Variants in RPRD1B observed in about 807,000 individuals in gnomAD.
RPRD1B encodes regulation of nuclear pre-mRNA domain-containing protein 1B.
A neutral mutation model predicts 41.5 loss-of-function variants in RPRD1B; 11 were observed. That is an observed-to-expected ratio of 0.27 (90% confidence interval 0.17 to 0.44). RPRD1B has a LOEUF of 0.44. Ranked by LOEUF, RPRD1B falls within the 20% of genes least tolerant of loss-of-function variation. The probability of loss-of-function intolerance (pLI) is 1.00; values close to 1 mark genes in which losing one functional copy is unlikely to be tolerated. For missense variants in RPRD1B, 248 were observed against 389.9 expected (o/e 0.64, Z 3.06); for synonymous variants, 158 against 155.6 (o/e 1.02, Z -0.12).
chr20:38,084,510 A>G (rs1600443280), intron 6 of RPRD1B, among the ~76,000 whole-genome samples: 1 of 152,178 alleles, frequency 6.6e-6, no homozygotes, highest in East Asian at 1.9e-4. Context: ...TGAAAATGAA[A>G]TTCCTGTGGA....
intron 6 of RPRD1B, among the ~76,000 whole-genome samples, chr20:38,077,730 T>G (rs2074477494): frequency 6.6e-6 from 1 of 152,198 alleles, no homozygotes; most frequent in South Asian, 2.1e-4. Flanking sequence ...ATCCTTGCAG[T>G]AGCCTCATGA....
At chr20:38,048,888 A>AAATGTAG (rs1473642613) in intron 3 of RPRD1B, among the ~76,000 whole-genome samples, 4 of 152,182 alleles carry the variant, frequency 2.6e-5, no homozygotes, top group Non-Finnish European at 5.9e-5. Context: ...TGATTTAATT[A>AAATGTAG]AATGTAGATG....
chr20:38,057,484 T>C (rs376221068), intron 3 of RPRD1B, 48 bp from the exon 4 acceptor site: 35 of 1,348,562 alleles, frequency 2.6e-5, no homozygotes, highest in Non-Finnish European at 3.4e-5. Context: ...ATGTGACTTA[T>C]CACTACAGGA....
In RPRD1B at chr20:38,090,061, G is replaced by A; in HGVS notation, c.*186G>A. The A allele has an allele frequency of 7.5e-7, 1 of 1,332,724 alleles. No individual in the cohort carries two copies. The highest frequency in any genetic ancestry group is 2.7e-5 in the East Asian group (1 of 37,708). 82.6% of individuals were successfully genotyped at this position (1,332,724 alleles called of 1,614,324 possible). On this transcript the variant is annotated 3_prime_UTR_variant, in exon 7 of 7. Transcript: ENST00000373433. Reference sequence around the variant, plus strand: ...ATCTTGAGCACAGTTCAGAACAGTGGCGACTGGAATCTGGTTTATATTCAT... The same window carrying A: ...ATCTTGAGCACAGTTCAGAACAGTGACGACTGGAATCTGGTTTATATTCAT...
At chr20:38,047,219 A>T (rs1301164590) in intron 2 of RPRD1B, among the ~76,000 whole-genome samples, 1 of 152,224 alleles carries the variant, frequency 6.6e-6, no homozygotes, top group East Asian at 1.9e-4. Flanking sequence ...TTCTGACTTT[A>T]AAAAGTTTAA....
chr20:38,090,016 A>T lies in RPRD1B; in HGVS notation c.*141A>T. 1 of 1,443,758 alleles carries T rather than the reference A, an allele frequency of 6.9e-7. No homozygotes were observed. The highest frequency in any genetic ancestry group is 2.4e-5 in the East Asian group (1 of 40,850). The allele number at this position is 1,443,758 out of a possible 1,614,324, so 89.4% of individuals were successfully genotyped here. ...CCTCAAGAAAGAACCTCAGACTCTGATTCTCCTCTTCAGCCTCTCATCTTG... is the reference window on the plus strand; with the variant it reads ...CCTCAAGAAAGAACCTCAGACTCTGTTTCTCCTCTTCAGCCTCTCATCTTG... On this transcript the variant is annotated 3_prime_UTR_variant, in exon 7 of 7. Coordinates refer to ENST00000373433, the MANE Select transcript of RPRD1B (RefSeq NM_021215.4).
intron 6 of RPRD1B, among the ~76,000 whole-genome samples, chr20:38,073,530 C>T (rs2074431350): frequency 6.6e-6 from 1 of 152,164 alleles, no homozygotes; most frequent in Non-Finnish European, 1.5e-5. Context: ...AATTCTTTGG[C>T]TACAGTTGAA....
At chr20:38,086,783 C>A (rs891586894) in intron 6 of RPRD1B, among the ~76,000 whole-genome samples, 2 of 152,178 alleles carry the variant, frequency 1.3e-5, no homozygotes, top group Non-Finnish European at 2.9e-5. Context: ...GGGCAGGATC[C>A]GTCCACTTCC....
intron 4 of RPRD1B, among the ~76,000 whole-genome samples, chr20:38,058,322 G>A (rs1228989619): frequency 6.6e-6 from 1 of 152,182 alleles, no homozygotes; most frequent in Admixed American, 6.5e-5. Context: ...TAAAGCCTAT[G>A]TAAATAGGAA....
At chr20:38,067,473 C>T (rs974739852) in intron 6 of RPRD1B, among the ~76,000 whole-genome samples, 1 of 152,212 alleles carries the variant, frequency 6.6e-6, no homozygotes, top group African/African-American at 2.4e-5. Context: ...GAAACGTGCT[C>T]TGGCACAGAA....
chr20:38,082,152 T>C (rs1255720625), intron 6 of RPRD1B, among the ~76,000 whole-genome samples: 5 of 152,144 alleles, frequency 3.3e-5, no homozygotes, highest in Non-Finnish European at 7.4e-5. Context: ...CTTCTTTATA[T>C]GTCTGGTAGA....
intron 3 of RPRD1B, among the ~76,000 whole-genome samples, chr20:38,056,512 A>G (rs2074243175): frequency 6.6e-6 from 1 of 152,264 alleles, no homozygotes. Context: ...ACTTGTTTCC[A>G]GAAGAAAATG....
At chr20:38,057,460 CCATTGTGCATAG>C (rs2074254921) in intron 3 of RPRD1B, 60 bp from the exon 4 acceptor site, 1 of 995,566 alleles carries the variant, frequency 1.0e-6, no homozygotes. Flanking sequence ...TACATGTGGC[CCATTGTGCATAG>C]CATGTGACTT....
chr20:38,069,444 A>G (rs2074390253), intron 6 of RPRD1B, among the ~76,000 whole-genome samples: 2 of 152,250 alleles, frequency 1.3e-5, no homozygotes, highest in Admixed American at 6.5e-5. Flanking sequence ...AGGAACTAGC[A>G]GTTGAAGAAG....
At chr20:38,037,780 G>C (rs1228762200) in intron 1 of RPRD1B, among the ~76,000 whole-genome samples, 1 of 152,038 alleles carries the variant, frequency 6.6e-6, no homozygotes, top group African/African-American at 2.4e-5. Context: ...AAGCCCCTTA[G>C]ATACCTTGTT....
intron 3 of RPRD1B, among the ~76,000 whole-genome samples, chr20:38,051,701 T>G (rs1438439333): frequency 1.3e-5 from 2 of 152,222 alleles, no homozygotes; most frequent in African/African-American, 4.8e-5. Flanking sequence ...TACCCAGCTT[T>G]CCTGGATCTT....
chr20:38,043,234 G>A, intron 2 of RPRD1B, among the ~76,000 whole-genome samples: 1 of 152,248 alleles, frequency 6.6e-6, no homozygotes. Context: ...CGGTAATCAT[G>A]CGAAGCGGGA....
intron 1 of RPRD1B, among the ~76,000 whole-genome samples, chr20:38,036,644 G>A (rs2074006461): frequency 6.6e-6 from 1 of 152,156 alleles, no homozygotes; most frequent in Non-Finnish European, 1.5e-5. Context: ...TTGAGTAAAG[G>A]ATCTAAACAG....
intron 6 of RPRD1B, chr20:38,070,432 AG>A: frequency 1.0e-6 from 1 of 985,516 alleles, no homozygotes; most frequent in Non-Finnish European, 1.2e-6. Flanking sequence ...CCATTCAGAA[AG>A]GCAAAGGCCA....
Sources: allele counts gnomAD v4.1 joint callset (sites outside exome capture counted in the v4.1 genomes callset), GRCh38; gene constraint gnomAD v4.1.1; transcripts MANE v1.5; gene names NCBI Gene and HGNC (gene_info 2026-07-23, HGNC 2026-07-21).